ST6GALNAC3: variants seen among roughly 807,000 people sequenced by gnomAD.
ST6GALNAC3 encodes ST6 N-acetylgalactosaminide alpha-2,6-sialyltransferase 3, also known as alpha-N-acetylgalactosaminide alpha-2,6-sialyltransferase 3.
In ST6GALNAC3, 25 loss-of-function variants were observed where a neutral mutation model predicts 32.7. That is an observed-to-expected ratio of 0.76 (90% CI 0.56 to 1.07). The LOEUF is 1.07. ST6GALNAC3 is among the 50% of genes least tolerant of loss of function. The pLI is 0.00. For synonymous variants in ST6GALNAC3, 129 were observed against 133.1 expected (o/e 0.97, Z 0.21); for missense variants, 355 against 382.4 (o/e 0.93, Z 0.60).
chr1:76,425,494 T>G (rs985156102), intron 3 of ST6GALNAC3, among the ~76,000 whole-genome samples: 2 of 151,872 alleles, frequency 1.3e-5, no homozygotes, highest in Non-Finnish European at 2.9e-5. Context: ...TGAGCACATA[T>G]CCCCTGGGTG....
intron 3 of ST6GALNAC3, among the ~76,000 whole-genome samples, chr1:76,418,106 A>C (rs903952042): frequency 6.6e-6 from 1 of 152,046 alleles, no homozygotes; most frequent in African/African-American, 2.4e-5. Context: ...ATTCCTCACT[A>C]TCTTTGGGGG....
At chr1:76,568,646 C>G (rs1486065649) in intron 3 of ST6GALNAC3, among the ~76,000 whole-genome samples, 1 of 152,160 alleles carries the variant, frequency 6.6e-6, no homozygotes, top group African/African-American at 2.4e-5. Flanking sequence ...CAATAACAGA[C>G]AGGTTCTACT....
chr1:76,275,874 G>C (rs1007738538), intron 1 of ST6GALNAC3, among the ~76,000 whole-genome samples: 2 of 152,164 alleles, frequency 1.3e-5, no homozygotes, highest in African/African-American at 4.8e-5. Flanking sequence ...TGTAGTGCAA[G>C]CTTCAAGACT....
At chr1:76,576,992 C>A in intron 3 of ST6GALNAC3, 2 of 1,243,232 alleles carry the variant, frequency 1.6e-6, no homozygotes, top group Admixed American at 5.5e-5. Context: ...AAAACAAATA[C>A]CCATGTCAGT....
chr1:76,325,383 T>G (rs968115812), intron 2 of ST6GALNAC3, among the ~76,000 whole-genome samples: 3 of 152,178 alleles, frequency 2.0e-5, no homozygotes, highest in Admixed American at 6.5e-5. Context: ...TGCAAGTCAG[T>G]GTGGCTTTCT....
At chr1:76,431,547 A>C (rs1482686692) in intron 3 of ST6GALNAC3, among the ~76,000 whole-genome samples, 1 of 152,058 alleles carries the variant, frequency 6.6e-6, no homozygotes, top group Non-Finnish European at 1.5e-5. Flanking sequence ...TCTCATACAC[A>C]TGCACACATA....
At chr1:76,184,407 C>T (rs1476197963) in intron 1 of ST6GALNAC3, among the ~76,000 whole-genome samples, 2 of 151,936 alleles carry the variant, frequency 1.3e-5, no homozygotes, top group African/African-American at 2.4e-5. Flanking sequence ...GGTGTGGTGG[C>T]GCATGTCTGT....
chr1:76,425,279 A>C (rs1409427829), intron 3 of ST6GALNAC3, among the ~76,000 whole-genome samples: 4 of 152,072 alleles, frequency 2.6e-5, no homozygotes, highest in Non-Finnish European at 2.9e-5. Context: ...GGGGCTTTCA[A>C]GGATGCAAAA....
downstream of ST6GALNAC3, among the ~76,000 whole-genome samples, chr1:76,636,295 G>A (rs1649503967): frequency 6.6e-6 from 1 of 152,098 alleles, no homozygotes; most frequent in Non-Finnish European, 1.5e-5. Flanking sequence ...AATGATCTGT[G>A]GTTAAAGTAG....
At chr1:76,213,215 G>A (rs1275654560) in intron 1 of ST6GALNAC3, among the ~76,000 whole-genome samples, 1 of 152,104 alleles carries the variant, frequency 6.6e-6, no homozygotes, top group Non-Finnish European at 1.5e-5. Flanking sequence ...GGAATGACAT[G>A]TGGTACTTCA....
chr1:76,120,150 A>T (rs1275747235), intron 1 of ST6GALNAC3, among the ~76,000 whole-genome samples: 5 of 152,218 alleles, frequency 3.3e-5, no homozygotes, highest in Admixed American at 3.3e-4. Flanking sequence ...TAAAATATAC[A>T]TCCCCATCAC....
chr1:76,199,096 C>A (rs1018958704), intron 1 of ST6GALNAC3, among the ~76,000 whole-genome samples: 1 of 152,160 alleles, frequency 6.6e-6, no homozygotes, highest in African/African-American at 2.4e-5. Context: ...AAATTCTTCC[C>A]TTTCCTTCAA....
chr1:76,402,781 A>G (rs1387899702), intron 2 of ST6GALNAC3, among the ~76,000 whole-genome samples: 1 of 152,134 alleles, frequency 6.6e-6, no homozygotes, highest in Non-Finnish European at 1.5e-5. Flanking sequence ...ACCTAGAGTG[A>G]ATCTAGTTGA....
chr1:76,443,336 G>A (rs1446958029), intron 3 of ST6GALNAC3, among the ~76,000 whole-genome samples: 1 of 152,130 alleles, frequency 6.6e-6, no homozygotes, highest in Non-Finnish European at 1.5e-5. Context: ...ACTTTTCAAT[G>A]AGAAGATCCA....
At chr1:76,116,943 T>C (rs1648521978) in intron 1 of ST6GALNAC3, among the ~76,000 whole-genome samples, 1 of 151,816 alleles carries the variant, frequency 6.6e-6, no homozygotes, top group Non-Finnish European at 1.5e-5. Context: ...AATAAATGAA[T>C]AAAAATAAAA....
At chr1:76,616,685 T>C (rs1648313898) in intron 3 of ST6GALNAC3, among the ~76,000 whole-genome samples, 1 of 152,162 alleles carries the variant, frequency 6.6e-6, no homozygotes, top group Admixed American at 6.5e-5. Flanking sequence ...GATCCATATG[T>C]CAGTTGTTGC....
intron 2 of ST6GALNAC3, among the ~76,000 whole-genome samples, chr1:76,332,990 G>T (rs1647222651): frequency 6.6e-6 from 1 of 151,696 alleles, no homozygotes; most frequent in African/African-American, 2.4e-5. Flanking sequence ...TTTGTGCAGA[G>T]CTCCTCTTAT....
chr1:76,530,057 C>A (rs1557534637), intron 3 of ST6GALNAC3, among the ~76,000 whole-genome samples: 1 of 152,178 alleles, frequency 6.6e-6, no homozygotes, highest in Non-Finnish European at 1.5e-5. Flanking sequence ...TCATGTATAA[C>A]TTTTAGTAGT....
rs897092604 is a variant in ST6GALNAC3 at position 76,231,615 on chromosome 1, T to C, written c.19-82190T>C. Among the ~76,000 whole-genome samples, 11 of 152,366 alleles carry C rather than the reference T, an allele frequency of 7.2e-5. No homozygotes were observed. In the East Asian group the frequency reaches 1.9e-3, roughly 27 times the overall value. ...GCTATATCTTTATGTGACTGGCTTA[T>C]TTCATTAAGGATAATGTCCCTCAAG... On this transcript the variant is annotated intron_variant, in intron 1 of 4. Transcript: ENST00000328299.
Sources: allele counts gnomAD v4.1 joint callset (sites outside exome capture counted in the v4.1 genomes callset), GRCh38; gene constraint gnomAD v4.1.1; transcripts MANE v1.5; gene names NCBI Gene and HGNC (gene_info 2026-07-23, HGNC 2026-07-21).